Variants in GART observed in about 807,000 individuals in gnomAD.
GART encodes the protein trifunctional purine biosynthetic protein adenosine-3.
In GART, 43 loss-of-function variants were observed where a neutral mutation model predicts 107.2. That is an observed-to-expected ratio of 0.40 (90% CI 0.31 to 0.52). The LOEUF is 0.52. GART is among the 20% of genes least tolerant of loss of function. The pLI is 0.52. For synonymous variants in GART, 434 were observed against 427.0 expected, an observed-to-expected ratio of 1.02 and a Z score of -0.20; for missense variants, 1,107 against 1,206.5, an observed-to-expected ratio of 0.92 and a Z score of 1.22.
At chr21:33,536,944 T>C (rs766797963) in intron 2 of GART, among the ~76,000 whole-genome samples, 1 of 152,182 alleles carries the variant, frequency 6.6e-6, no homozygotes, top group Non-Finnish European at 1.5e-5. Context: ...GAAAGTAAAA[T>C]TGTGGATAGG....
At chr21:33,535,419 T>TTTGAACTTAGCATAACA in intron 2 of GART, 99 bp from the exon 3 acceptor site, 1 of 662,592 alleles carries the variant, frequency 1.5e-6, no homozygotes, top group Non-Finnish European at 2.4e-6. Context: ...TTCTATACTT[T>TTTGAACTTAGCATAACA]AGTATGCTTG....
chr21:33,535,200 A>G, intron 3 of GART, 25 bp downstream of exon 3: 1 of 1,445,136 alleles, frequency 6.9e-7, no homozygotes, highest in African/African-American at 1.4e-5. Flanking sequence ...AATATACTGT[A>G]ACAATAAACA....
intron 2 of GART, among the ~76,000 whole-genome samples, chr21:33,536,013 C>T (rs1020815621): frequency 4.0e-5 from 6 of 150,546 alleles, no homozygotes; most frequent in Non-Finnish European, 7.4e-5. Flanking sequence ...GGGTAGATAA[C>T]AAGAACGAAA....
intron 16 of GART, among the ~76,000 whole-genome samples, chr21:33,513,414 A>G (rs1199902677): frequency 6.6e-6 from 1 of 152,020 alleles, no homozygotes; most frequent in East Asian, 1.9e-4. Flanking sequence ...TACTGAAAAT[A>G]CAAAAATTAG....
At chr21:33,538,574 A>G (rs1006096772) in intron 2 of GART, among the ~76,000 whole-genome samples, 1 of 152,164 alleles carries the variant, frequency 6.6e-6, no homozygotes, top group African/African-American at 2.4e-5. Flanking sequence ...TCCATTTACA[A>G]AAATACACAA....
chr21:33,509,785 G>A lies in GART; in HGVS notation c.2450C>T (p.Thr817Ile), dbSNP rs749293108. ...KARVAVLISG[T>I]GSNLQALIDS... Reference sequence around the variant, plus strand: ...GTGAAGGGGAAGCCACATCTCACCTGTTCCAGATATTAAGACAGCCACTCT... The same window carrying A: ...GTGAAGGGGAAGCCACATCTCACCTATTCCAGATATTAAGACAGCCACTCT... The change falls in exon 18 of 22, where the codon ACA (threonine) becomes ATA (isoleucine). Residue 817 changes from threonine (T) to isoleucine (I), a missense_variant and splice_region_variant. Coordinates refer to ENST00000381815, the MANE Select transcript of GART (RefSeq NM_000819.5). 8.7e-6 allele frequency: 14 copies of A among 1,613,320 alleles called. No individual in the cohort carries two copies. The highest frequency in any genetic ancestry group is 2.2e-5 in the East Asian group (1 of 44,864).
chr21:33,519,552 T>TAAACAAA (rs2084933189), intron 14 of GART, among the ~76,000 whole-genome samples: 1 of 123,348 alleles, frequency 8.1e-6, no homozygotes, highest in Non-Finnish European at 1.7e-5. Context: ...AGACTCTGTT[T>TAAACAAA]AAAAAAAAAA....
intron 7 of GART, among the ~76,000 whole-genome samples, chr21:33,529,388 G>A (rs2085138347): frequency 6.6e-6 from 1 of 151,218 alleles, no homozygotes; most frequent in African/African-American, 2.4e-5. Flanking sequence ...TTACAGGTGT[G>A]AACCACTGTG....
rs1171243845 is a variant in GART at position 33,511,388 on chromosome 21, C to T, written c.2178G>A (p.Glu726=). The change falls in exon 17 of 22, where the codon GAG becomes GAA. Residue 726 remains glutamate (E), a synonymous_variant. Transcript: ENST00000381815. The part of the protein sequence containing the change: ...LQQEGHLSEE[E]MARTFNCGVG... ...CCCCACAGTTAAATGTTCTGGCCATCTCTTCCTCAGAGAGGTGTCCTTCCT... is the reference window on the plus strand; with the variant it reads ...CCCCACAGTTAAATGTTCTGGCCATTTCTTCCTCAGAGAGGTGTCCTTCCT... 1.9e-6 allele frequency: 3 copies of T among 1,614,184 alleles called. No individual in the cohort carries two copies. Among genetic ancestry groups the T allele is most frequent in the Non-Finnish European group, 2.5e-6 (3 of 1,180,028 alleles).
chr21:33,508,842 G>A (rs1008983769), intron 18 of GART, among the ~76,000 whole-genome samples: 3 of 152,040 alleles, frequency 2.0e-5, no homozygotes, highest in African/African-American at 7.2e-5. Context: ...ATGTCCACAT[G>A]TACCCACTGT....
At position 33,528,794 on chromosome 21, in the gene GART, T is replaced by A. The variant is rs372559987; in HGVS notation, c.811+56A>T. The A allele has an allele frequency of 4.7e-4, 600 of 1,271,312 alleles. 2 individuals carry two copies. In the African/African-American group the frequency reaches 8.2e-3, roughly 17 times the overall value. The allele number at this position is 1,271,312 out of a possible 1,614,324, so 78.8% of individuals were successfully genotyped here. A position where few individuals can be genotyped will look rare whatever the true frequency, so the allele number is the denominator to read the frequency against. ...AAAAGGGAATGGAAAATAAGTTTTA[T>A]CAAAAGTAGAAAGTTACTCTATAGG... On this transcript the variant is annotated intron_variant, in intron 8 of 21. Transcript: ENST00000381815.
At chr21:33,533,380 A>G (rs947700368) in intron 4 of GART, among the ~76,000 whole-genome samples, 37 of 151,532 alleles carry the variant, frequency 2.4e-4, no homozygotes, top group African/African-American at 8.5e-4. Context: ...CGGAGCTTGC[A>G]GTGAGCCGAG....
chr21:33,538,505 T>C (rs1281750319), intron 2 of GART, among the ~76,000 whole-genome samples: 1 of 152,128 alleles, frequency 6.6e-6, no homozygotes, highest in Non-Finnish European at 1.5e-5. Flanking sequence ...AGTGCTGGGA[T>C]TGTAAGCGTG....
chr21:33,531,794 T>A (rs919203170), intron 5 of GART: 7 of 442,480 alleles, frequency 1.6e-5, no homozygotes, highest in Non-Finnish European at 2.8e-5. Context: ...AATATTCTCC[T>A]GAAGATTTGG....
chr21:33,530,777 G>A lies in GART; in HGVS notation c.705C>T (p.Ala235=). The A allele has an allele frequency of 1.3e-6, 2 of 1,506,028 alleles. No individual in the cohort carries two copies. The highest frequency in any genetic ancestry group is 1.8e-6 in the Non-Finnish European group (2 of 1,132,270). 93.3% of individuals were successfully genotyped at this position (1,506,028 alleles called of 1,614,324 possible). A position where few individuals can be genotyped will look rare whatever the true frequency, so the allele number is the denominator to read the frequency against. The part of the protein sequence containing the change: ...DGGPNTGGMG[A]YCPAPQVSND... ...GAAGTACCTGAGGGGCTGGACAATA[G>A]GCTCCCATTCCCCCTGTGTTAGGGC... is the stretch of plus-strand genomic sequence containing the variant. The change falls in exon 7 of 22, where the codon GCC becomes GCT. Residue 235 remains alanine, a synonymous_variant. Coordinates refer to ENST00000381815, the MANE Select transcript of GART (RefSeq NM_000819.5).
intron 2 of GART, among the ~76,000 whole-genome samples, chr21:33,536,732 T>A (rs1434108551): frequency 2.6e-5 from 4 of 152,192 alleles, no homozygotes; most frequent in Admixed American, 2.0e-4. Context: ...TGAGATAATA[T>A]GATAGTCAAT....
intron 14 of GART, chr21:33,518,629 C>G (rs548980787): frequency 8.2e-6 from 3 of 363,792 alleles, no homozygotes; most frequent in East Asian, 1.4e-4. Flanking sequence ...AAAATAGCAG[C>G]TCCTAGTTAC....
intron 21 of GART, 31 bp downstream of exon 21, chr21:33,504,381 A>G (rs757238601): frequency 1.9e-6 from 3 of 1,608,946 alleles, no homozygotes; most frequent in South Asian, 1.1e-5. Context: ...CTGACTACTA[A>G]TATTATGTTG....
At chr21:33,526,655 T>C (rs1329837437) in intron 10 of GART, among the ~76,000 whole-genome samples, 9 of 152,322 alleles carry the variant, frequency 5.9e-5, no homozygotes, top group African/African-American at 2.2e-4. Context: ...TGTATGATTT[T>C]AAGACAAACT....
Sources: allele counts gnomAD v4.1 joint callset (sites outside exome capture counted in the v4.1 genomes callset), GRCh38; gene constraint gnomAD v4.1.1; transcripts MANE v1.5; gene names NCBI Gene and HGNC (gene_info 2026-07-23, HGNC 2026-07-21).